The following NLGN4X variants were observed in gnomAD, a reference collection of about 807,000 sequenced individuals.
NLGN4X encodes the protein neuroligin 4 X-linked.
NLGN4X carries 3 observed loss-of-function variants against 40.3 expected under a neutral mutation model. That is an observed-to-expected ratio of 0.07 (90% CI 0.03 to 0.19). The LOEUF (loss-of-function observed/expected upper bound fraction) is 0.19. Ranked by LOEUF, NLGN4X falls within the 10% of genes least tolerant of loss-of-function variation. The pLI, the probability that NLGN4X is intolerant of heterozygous loss-of-function variation, is 1.00. For missense variants in NLGN4X, 382 were observed against 708.3 expected (o/e 0.54, Z 5.23); for synonymous variants, 270 against 306.8 (o/e 0.88, Z 1.25).
intron 2 of NLGN4X, among the ~76,000 whole-genome samples, chrX:6,058,564 G>A (rs2037691645): frequency 1.8e-5 from 2 of 111,696 alleles, no homozygotes; most frequent in Admixed American, 1.9e-4. Context: ...ATAAGAAAAG[G>A]GAACATTATG....
chrX:5,962,612 A>C (rs55966204), intron 3 of NLGN4X, among the ~76,000 whole-genome samples: 58,707 of 111,133 alleles, frequency 0.53, 12,346 homozygotes, highest in East Asian at 0.85. Context: ...ATCTCCTTTT[A>C]TGGGCTGAAT....
At chrX:6,211,937 AC>A (rs774301845) in intron 1 of NLGN4X, among the ~76,000 whole-genome samples, 42 of 111,825 alleles carry the variant, frequency 3.8e-4, no homozygotes, top group African/African-American at 1.2e-3. Context: ...AGAAAAAAAA[AC>A]ATCCTGCCCT....
chrX:5,925,873 CAT>C (rs2033264692), intron 3 of NLGN4X, among the ~76,000 whole-genome samples: 2 of 9,579 alleles, frequency 2.1e-4, no homozygotes, highest in African/African-American at 1.3e-3. Context: ...TATATATATA[CAT>C]ACACACATAT....
At chrX:6,085,903 C>T (rs1442685251) in intron 2 of NLGN4X, among the ~76,000 whole-genome samples, 1 of 112,129 alleles carries the variant, frequency 8.9e-6, no homozygotes, top group African/African-American at 3.2e-5. Context: ...CAGGGAATGA[C>T]TGACTGATAG....
intron 2 of NLGN4X, among the ~76,000 whole-genome samples, chrX:6,125,003 T>C (rs72609519): frequency 0.089 from 9,892 of 111,625 alleles, 361 homozygotes; most frequent in East Asian, 0.18. Flanking sequence ...ACACTAAACA[T>C]ATACACACAC....
In NLGN4X at chrX:6,034,289, T is replaced by C. The variant is rs190994886; in HGVS notation, c.473-4857A>G. ...TTTTACTTAGCATATGTTTTCAATG[T>C]CCTTTCATACTGTAGCATGCATCAA... On this transcript the variant is annotated intron_variant, in intron 2 of 5. Coordinates refer to ENST00000381095, the MANE Select transcript of NLGN4X (RefSeq NM_181332.3). 1.1e-4 allele frequency among the ~76,000 whole-genome samples: 12 copies of C among 112,161 alleles called. No individual in the cohort carries two copies. In the East Asian group the frequency reaches 3.1e-3, roughly 29 times the overall value.
At chrX:6,120,424 G>A (rs1007533498) in intron 2 of NLGN4X, among the ~76,000 whole-genome samples, 1 of 111,598 alleles carries the variant, frequency 9.0e-6, no homozygotes, top group African/African-American at 3.3e-5. Context: ...GGTAGCTCAG[G>A]CAGCTCATTA....
At chrX:6,122,153 A>AGTTCC (rs2039439047) in intron 2 of NLGN4X, among the ~76,000 whole-genome samples, 1 of 112,210 alleles carries the variant, frequency 8.9e-6, no homozygotes, top group South Asian at 3.7e-4. Flanking sequence ...TTAGAACTCG[A>AGTTCC]GTTCCAAGGG....
chrX:5,955,278 T>G (rs1245454328), intron 3 of NLGN4X, among the ~76,000 whole-genome samples: 4 of 112,062 alleles, frequency 3.6e-5, no homozygotes, highest in Non-Finnish European at 7.5e-5. Context: ...TGGCTTTAGC[T>G]GCAGTAGCTG....
chrX:6,172,683 T>C (rs910629946), intron 1 of NLGN4X, among the ~76,000 whole-genome samples: 1 of 112,105 alleles, frequency 8.9e-6, no homozygotes. Flanking sequence ...GAATTTCTTA[T>C]TGAAAGCTTC....
At chrX:5,941,196 T>G (rs2033931423) in intron 3 of NLGN4X, among the ~76,000 whole-genome samples, 1 of 94,185 alleles carries the variant, frequency 1.1e-5, no homozygotes, top group African/African-American at 4.8e-5. Flanking sequence ...TGTGTGTGTG[T>G]GTGTGTGTGT....
At chrX:5,954,391 CTTTTTTT>C (rs764108500) in intron 3 of NLGN4X, among the ~76,000 whole-genome samples, 17 of 55,842 alleles carry the variant, frequency 3.0e-4, no homozygotes, top group South Asian at 1.5e-3. Flanking sequence ...GCTTGGCTAA[CTTTTTTT>C]TTTTTTTTTT....
At chrX:6,035,327 A>T (rs2036975138) in intron 2 of NLGN4X, among the ~76,000 whole-genome samples, 1 of 111,458 alleles carries the variant, frequency 9.0e-6, no homozygotes, top group South Asian at 3.7e-4. Flanking sequence ...GTTTCACTTG[A>T]TCAATTCTTT....
intron 1 of NLGN4X, among the ~76,000 whole-genome samples, chrX:6,153,211 T>A (rs914221231): frequency 7.1e-5 from 8 of 112,156 alleles, no homozygotes; most frequent in Non-Finnish European, 1.5e-4. Context: ...ACATGGCTTT[T>A]TTTTTTTAAA....
intron 1 of NLGN4X, chrX:6,187,511 G>A (rs1471132474): frequency 8.9e-6 from 1 of 111,746 alleles, no homozygotes; most frequent in East Asian, 2.9e-4. Flanking sequence ...CCGACGTAAT[G>A]TCCCGCGTGG....
chrX:6,053,550 A>G (rs1349384703), intron 2 of NLGN4X, among the ~76,000 whole-genome samples: 2 of 111,234 alleles, frequency 1.8e-5, no homozygotes, highest in Non-Finnish European at 3.8e-5. Context: ...GCTTTTTTAT[A>G]GGAGGTCAAA....
intron 3 of NLGN4X, among the ~76,000 whole-genome samples, chrX:5,917,118 C>G (rs2032837766): frequency 8.9e-6 from 1 of 112,481 alleles, no homozygotes; most frequent in Non-Finnish European, 1.9e-5. Flanking sequence ...AGATCTAGGG[C>G]GCCCTCTGCA....
intron 2 of NLGN4X, among the ~76,000 whole-genome samples, chrX:6,066,100 T>C (rs1397684680): frequency 2.7e-5 from 3 of 112,225 alleles, no homozygotes; most frequent in Non-Finnish European, 1.9e-5. Flanking sequence ...TGGTTTAACA[T>C]GAGGTTACAT....
intron 3 of NLGN4X, among the ~76,000 whole-genome samples, chrX:5,947,475 T>C (rs2034167281): frequency 8.9e-6 from 1 of 112,001 alleles, no homozygotes; most frequent in South Asian, 3.7e-4. Context: ...TCAGGTATTT[T>C]GTTTAGAATT....
Sources: gnomAD v4.1 joint callset for allele counts (sites outside exome capture counted in the v4.1 genomes callset) on GRCh38, gnomAD v4.1.1 for gene constraint, MANE v1.5 for transcripts, NCBI Gene and HGNC (gene_info 2026-07-23, HGNC 2026-07-21) for gene names.